The following FREM1 variants were observed in gnomAD, a reference collection of about 807,000 sequenced individuals.
FREM1 encodes the protein FRAS1 related extracellular matrix 1.
A neutral mutation model predicts 210.1 loss-of-function variants in FREM1; 220 were observed. The ratio of observed to expected loss-of-function variants is 1.05; its 90% CI spans 0.94 to 1.17. The LOEUF (loss-of-function observed/expected upper bound fraction) is 1.17. Ranked by LOEUF, FREM1 falls within the 50% of genes most tolerant of loss-of-function variation. The probability of loss-of-function intolerance (pLI) is 0.00; values close to 1 mark genes in which losing one functional copy is unlikely to be tolerated. For synonymous variants in FREM1, 1,189 were observed against 980.2 expected, an observed-to-expected ratio of 1.21 and a Z score of -3.98; for missense variants, 3,454 against 2,675.5, an observed-to-expected ratio of 1.29 and a Z score of -6.42.
intron 16 of FREM1, 108 bp from the exon 17 acceptor site, chr9:14,808,242 G>A (rs1446466864): frequency 2.3e-5 from 15 of 640,202 alleles, no homozygotes; most frequent in Non-Finnish European, 3.8e-5. Flanking sequence ...AGGAAAAGAA[G>A]TTATGTGGAT....
intron 5 of FREM1, among the ~76,000 whole-genome samples, chr9:14,854,394 G>C (rs377376648): frequency 6.6e-6 from 1 of 151,976 alleles, no homozygotes; most frequent in South Asian, 2.1e-4. Context: ...TTACAAGAAA[G>C]GCACTTAAAA....
chr9:14,889,884 G>T (rs1308331718), intron 1 of FREM1, among the ~76,000 whole-genome samples: 1 of 152,216 alleles, frequency 6.6e-6, no homozygotes, highest in African/African-American at 2.4e-5. Flanking sequence ...GAAACATTAA[G>T]CGTGAGCATT....
intron 8 of FREM1, among the ~76,000 whole-genome samples, chr9:14,844,664 A>C (rs1182832855): frequency 6.6e-6 from 1 of 152,194 alleles, no homozygotes; most frequent in Non-Finnish European, 1.5e-5. Flanking sequence ...CACTACCAGA[A>C]TCCTAGTTGT....
intron 8 of FREM1, among the ~76,000 whole-genome samples, chr9:14,844,471 G>T (rs59624633): frequency 0.12 from 17,659 of 151,996 alleles, 1,665 homozygotes; most frequent in East Asian, 0.46. Context: ...GTGATCTGCC[G>T]GTCTCGGCCT....
intron 28 of FREM1, among the ~76,000 whole-genome samples, chr9:14,758,089 C>A (rs916977486): frequency 1.3e-5 from 2 of 152,148 alleles, no homozygotes; most frequent in African/African-American, 4.8e-5. Context: ...GTGCACAATT[C>A]AAACCAGGGC....
chr9:14,768,112 G>T (rs570885906), intron 27 of FREM1, among the ~76,000 whole-genome samples: 383 of 152,188 alleles, frequency 2.5e-3, no homozygotes, highest in Non-Finnish European at 4.3e-3. Context: ...ATTGAAAGGG[G>T]CTATGGGTGA....
intron 3 of FREM1, among the ~76,000 whole-genome samples, chr9:14,860,784 T>TATATACACAC (rs1829893168): frequency 1.1e-5 from 1 of 92,792 alleles, no homozygotes; most frequent in African/African-American, 5.0e-5. Flanking sequence ...CATATATACA[T>TATATACACAC]ATATACATAT....
At chr9:14,770,032 T>C (rs1847241386) in intron 26 of FREM1, among the ~76,000 whole-genome samples, 164 bp from the exon 27 acceptor site, 1 of 152,162 alleles carries the variant, frequency 6.6e-6, no homozygotes, top group Non-Finnish European at 1.5e-5. Flanking sequence ...AAAACTCAAA[T>C]GCAGCGAGCT....
chr9:14,836,281 T>C lies in FREM1; in HGVS notation c.1881+5166A>G, dbSNP rs976348601. On this transcript the variant is annotated intron_variant, in intron 10 of 36. Coordinates refer to ENST00000380880, the MANE Select transcript of FREM1 (RefSeq NM_001379081.2). The surrounding 1 kb of genome is among the most constrained non-coding windows in gnomAD (Gnocchi z 4.9). ...AACTAAAATATTGGACAGAGAGTTT[T>C]CATTGCTGTAGTATTTTGCTTAATT... Among the ~76,000 whole-genome samples, 1 of 152,250 alleles carries C rather than the reference T, an allele frequency of 6.6e-6. No homozygotes were observed. The highest frequency in any genetic ancestry group is 2.4e-5 in the African/African-American group (1 of 41,468).
Position 14,901,682 on chromosome 9 carries a change from C to A in FREM1, c.-268+8232G>T, listed in dbSNP as rs575440579. On this transcript the variant is annotated intron_variant, in intron 1 of 36. Transcript: ENST00000380880. ...TTGTAGGAAGACCTCATTTAATCAT[C>A]TGAACTAAAGATAAACACTTTAACG... 3.7e-3 allele frequency among the ~76,000 whole-genome samples: 564 copies of A among 152,302 alleles called. 4 individuals are homozygous for A. The highest frequency in any genetic ancestry group is 0.013 in the African/African-American group (535 of 41,556).
intron 1 of FREM1, among the ~76,000 whole-genome samples, chr9:14,871,458 G>C (rs1043598199): frequency 1.3e-5 from 2 of 152,136 alleles, no homozygotes; most frequent in African/African-American, 4.8e-5. Flanking sequence ...GTCTTCTTTT[G>C]AGAAGTGTCT....
At chr9:14,878,002 C>G (rs1345143558) in intron 1 of FREM1, among the ~76,000 whole-genome samples, 4 of 152,224 alleles carry the variant, frequency 2.6e-5, no homozygotes, top group Admixed American at 6.5e-5. Flanking sequence ...CAAGCCACCA[C>G]CAAGTCTCTG....
Position 14,851,299 on chromosome 9 carries a change from C to A in FREM1, c.1137G>T (p.Glu379Asp). The change falls in exon 6 of 37, where the codon GAG (glutamate) becomes GAT (aspartate). Residue 379 changes from glutamate (E) to aspartate (D), a missense_variant. Transcript: ENST00000380880. ...TCCTTCTTACCTCATCATGTCTCCT[C>A]TCAGAATGGCTGCTGTTTGGTGGCT... ...AYQPPNSSHS[E>D]RRHDEVELEV... 2 of 1,592,572 alleles carry A rather than the reference C, an allele frequency of 1.3e-6. No individual in the cohort carries two copies. Among genetic ancestry groups the A allele is most frequent in the South Asian group, 1.2e-5 (1 of 86,672 alleles).
Position 14,823,145 on chromosome 9 carries a change from G to C in FREM1, c.2337+15C>G, listed in dbSNP as rs765003468. Reference sequence around the variant, plus strand: ...TTTCCTCCTTTTCATCCTCTATATAGAACATTGTACATACCTCAGGAACTT... The same window carrying C: ...TTTCCTCCTTTTCATCCTCTATATACAACATTGTACATACCTCAGGAACTT... On this transcript the variant is annotated intron_variant, in intron 13 of 36. Coordinates refer to ENST00000380880, the MANE Select transcript of FREM1 (RefSeq NM_001379081.2). 3 of 1,604,036 alleles carry C rather than the reference G, an allele frequency of 1.9e-6. No homozygotes were observed. Among genetic ancestry groups the C allele is most frequent in the Non-Finnish European group, 2.6e-6 (3 of 1,171,644 alleles).
At chr9:14,780,460 G>T (rs997886202) in intron 24 of FREM1, among the ~76,000 whole-genome samples, 11 of 100,668 alleles carry the variant, frequency 1.1e-4, no homozygotes, top group African/African-American at 3.7e-4. Flanking sequence ...AGTCCAGCCG[G>T]CATGTCAAAA....
Position 14,863,914 on chromosome 9 carries a change from T to C in FREM1, c.235-11A>G, listed in dbSNP as rs752572098. The C allele has an allele frequency of 1.3e-6, 2 of 1,527,568 alleles. No individual in the cohort carries two copies. The highest frequency in any genetic ancestry group is 1.1e-5 in the South Asian group (1 of 88,966). 94.6% of individuals were successfully genotyped at this position (1,527,568 alleles called of 1,614,324 possible). Reference sequence around the variant, plus strand: ...ATGGCAGTCAAAGACCTAGTTCACATGAAGAATTGGATAAATATCTATGAG... The same window carrying C: ...ATGGCAGTCAAAGACCTAGTTCACACGAAGAATTGGATAAATATCTATGAG... On this transcript the variant is annotated splice_polypyrimidine_tract_variant and intron_variant, in intron 2 of 36. Transcript: ENST00000380880.
At chr9:14,870,724 G>T (rs199943010) in intron 1 of FREM1, among the ~76,000 whole-genome samples, 2 of 150,992 alleles carry the variant, frequency 1.3e-5, no homozygotes, top group Non-Finnish European at 3.0e-5. Context: ...TACATATGTA[G>T]ACATGTGCCA....
At chr9:14,824,413 T>C (rs1439809331) in intron 11 of FREM1, among the ~76,000 whole-genome samples, 1 of 152,222 alleles carries the variant, frequency 6.6e-6, no homozygotes, top group African/African-American at 2.4e-5. Context: ...GCATAACGTA[T>C]ATTCATGCCA....
intron 10 of FREM1, among the ~76,000 whole-genome samples, chr9:14,835,170 C>G (rs943945044): frequency 2.0e-5 from 3 of 152,158 alleles, no homozygotes; most frequent in Admixed American, 1.3e-4. Context: ...TTTTAACTTT[C>G]GCTTGGAATA....
Sources: allele counts gnomAD v4.1 joint callset (sites outside exome capture counted in the v4.1 genomes callset), GRCh38; gene constraint gnomAD v4.1.1; non-coding constraint Gnocchi (gnomAD v3.1); transcripts MANE v1.5; gene names NCBI Gene and HGNC (gene_info 2026-07-23, HGNC 2026-07-21).